Variants in MYLK4 observed in about 807,000 individuals in gnomAD.
The protein encoded by MYLK4 is caMLCK like.
In MYLK4, 46 loss-of-function variants were observed where a neutral mutation model predicts 48.1. That is an observed-to-expected ratio of 0.96 (90% CI 0.75 to 1.22). MYLK4 has a LOEUF of 1.22. Ranked by LOEUF, MYLK4 falls within the 50% of genes most tolerant of loss-of-function variation. The pLI is 0.00. For synonymous variants in MYLK4, 170 were observed against 180.8 expected (o/e 0.94, Z 0.48); for missense variants, 451 against 486.1 (o/e 0.93, Z 0.68).
At chr6:2,764,815 G>A in the MYLK4 span, among the ~76,000 whole-genome samples, 1 of 152,184 alleles carries the variant, frequency 6.6e-6, no homozygotes, top group Non-Finnish European at 1.5e-5. Context: ...CATCTAAAAG[G>A]GGGCGAGGGA....
chr6:2,673,097 T>C lies in MYLK4; in HGVS notation c.1120-1749A>G, dbSNP rs1269084530. Among the ~76,000 whole-genome samples the C allele has an allele frequency of 6.6e-6, 1 of 152,262 alleles. No individual in the cohort carries two copies. Among genetic ancestry groups the C allele is most frequent in the East Asian group, 1.9e-4 (1 of 5,204 alleles). ...AAAGGTGATTTTACTTGTTGTTATA[T>C]GGTTTAAAAAATATTCTTAAACACT... On this transcript the variant is annotated intron_variant, in intron 11 of 12. Coordinates refer to ENST00000274643, the MANE Select transcript of MYLK4 (RefSeq NM_001012418.5). The surrounding 1 kb of genome is among the most constrained non-coding windows in gnomAD (Gnocchi z 4.2).
intron 2 of MYLK4, among the ~76,000 whole-genome samples, chr6:2,708,457 A>C (rs923154635): frequency 1.3e-5 from 2 of 152,228 alleles, no homozygotes; most frequent in African/African-American, 4.8e-5. Context: ...GGAGAAAAAA[A>C]AATCGTGGCT....
intron 2 of MYLK4, among the ~76,000 whole-genome samples, chr6:2,738,418 A>T (rs1178660524): frequency 1.3e-5 from 2 of 152,250 alleles, no homozygotes; most frequent in Non-Finnish European, 2.9e-5. Context: ...TTCTATATGC[A>T]TGAGGGAATC....
chr6:2,706,205 T>C (rs915672916), intron 2 of MYLK4, among the ~76,000 whole-genome samples: 2 of 39,098 alleles, frequency 5.1e-5, no homozygotes, highest in Non-Finnish European at 1.1e-4. Context: ...CTATCTGTTA[T>C]TGTATACTGT....
chr6:2,725,858 G>A (rs1763253474), intron 2 of MYLK4, among the ~76,000 whole-genome samples: 1 of 152,216 alleles, frequency 6.6e-6, no homozygotes, highest in East Asian at 1.9e-4. Flanking sequence ...ACACGTGAGT[G>A]CCTCTCACTC....
chr6:2,722,784 A>G (rs6596910), intron 2 of MYLK4, among the ~76,000 whole-genome samples: 151,157 of 152,274 alleles, frequency 0.99, 75,040 homozygotes, highest in Middle Eastern at 1. Flanking sequence ...TTTGTAAAAC[A>G]TTATAACTCT....
chr6:2,670,227 G>A (rs150112231), intron 12 of MYLK4, among the ~76,000 whole-genome samples: 50 of 152,228 alleles, frequency 3.3e-4, no homozygotes, highest in East Asian at 1.5e-3. Context: ...TTAGCCTGGC[G>A]TGGTGGCAGG....
At position 2,688,822 on chromosome 6, in the gene MYLK4, A is replaced by C. The variant is rs376919601; in HGVS notation, c.341+29T>G. On this transcript the variant is annotated intron_variant, in intron 4 of 12. Coordinates refer to ENST00000274643, the MANE Select transcript of MYLK4 (RefSeq NM_001012418.5). ...ATTTGCACGCTCTCTTCTTTTGTTGAGAGAATATTAACATTCAGCCTTACT... is the reference window on the plus strand; with the variant it reads ...ATTTGCACGCTCTCTTCTTTTGTTGCGAGAATATTAACATTCAGCCTTACT... 1.7e-5 allele frequency: 26 copies of C among 1,566,966 alleles called. No homozygotes were observed. In the Admixed American group the frequency reaches 3.8e-4, roughly 23 times the overall value.
chr6:2,695,051 A>T (rs1349378602), intron 2 of MYLK4, among the ~76,000 whole-genome samples: 1 of 152,232 alleles, frequency 6.6e-6, no homozygotes, highest in Non-Finnish European at 1.5e-5. Flanking sequence ...TGAAGAGATA[A>T]ATATTTGTCG....
At chr6:2,767,661 A>G in the MYLK4 span, among the ~76,000 whole-genome samples, 2 of 152,224 alleles carry the variant, frequency 1.3e-5, no homozygotes, top group African/African-American at 2.4e-5. Context: ...CATTCTTAGT[A>G]ATTGTGAAGT....
At chr6:2,740,710 A>G (rs1763871464) in intron 2 of MYLK4, among the ~76,000 whole-genome samples, 1 of 152,238 alleles carries the variant, frequency 6.6e-6, no homozygotes, top group Non-Finnish European at 1.5e-5. Context: ...TCGTAGAGAC[A>G]TGGTGCTGGG....
At chr6:2,762,571 C>T in the MYLK4 span, among the ~76,000 whole-genome samples, 1 of 152,168 alleles carries the variant, frequency 6.6e-6, no homozygotes, top group Non-Finnish European at 1.5e-5. Flanking sequence ...TTCTTGAAAA[C>T]CTTGCTTTGA....
At chr6:2,745,369 C>G (rs1764048891) in intron 2 of MYLK4, among the ~76,000 whole-genome samples, 1 of 152,174 alleles carries the variant, frequency 6.6e-6, no homozygotes, top group Admixed American at 6.5e-5. Context: ...GAAACCTGTT[C>G]ATCATTTATA....
chr6:2,670,409 AACTC>A (rs2113078453), intron 12 of MYLK4, among the ~76,000 whole-genome samples: 1 of 150,024 alleles, frequency 6.7e-6, no homozygotes, highest in African/African-American at 2.5e-5. Context: ...GAGCAGCAAG[AACTC>A]ACTCACAAGT....
the MYLK4 span, among the ~76,000 whole-genome samples, chr6:2,764,766 C>T: frequency 6.6e-6 from 1 of 152,160 alleles, no homozygotes; most frequent in Non-Finnish European, 1.5e-5. Context: ...TGGCTCGAAG[C>T]GCGCTGTAGG....
At chr6:2,729,164 C>G (rs1215721177) in intron 2 of MYLK4, among the ~76,000 whole-genome samples, 1 of 152,238 alleles carries the variant, frequency 6.6e-6, no homozygotes, top group Non-Finnish European at 1.5e-5. Context: ...GCCAGCCCCA[C>G]TTACAGGCCA....
chr6:2,687,203 A>G (rs537477459), intron 4 of MYLK4, among the ~76,000 whole-genome samples: 9 of 152,328 alleles, frequency 5.9e-5, no homozygotes, highest in African/African-American at 2.2e-4. Flanking sequence ...ATTTCTGCCA[A>G]AAGTAAAAGA....
At chr6:2,763,448 C>A in the MYLK4 span, among the ~76,000 whole-genome samples, 25,020 of 152,260 alleles carry the variant, frequency 0.16, 2,317 homozygotes, top group South Asian at 0.24. Flanking sequence ...GAGGCTCAGG[C>A]ATGGCAGGCC....
At chr6:2,722,450 T>C (rs537535814) in intron 2 of MYLK4, among the ~76,000 whole-genome samples, 2 of 152,010 alleles carry the variant, frequency 1.3e-5, no homozygotes, top group South Asian at 2.1e-4. Context: ...ACTTTTTATT[T>C]AACCAAAAAT....
Sources: allele counts gnomAD v4.1 joint callset (sites outside exome capture counted in the v4.1 genomes callset), GRCh38; gene constraint gnomAD v4.1.1; non-coding constraint Gnocchi (gnomAD v3.1); transcripts MANE v1.5; gene names NCBI Gene and HGNC (gene_info 2026-07-23, HGNC 2026-07-21).